The following PPP4R4 variants were observed in gnomAD, a reference collection of about 807,000 sequenced individuals.
PPP4R4 encodes serine/threonine-protein phosphatase 4 regulatory subunit 4.
Under a neutral mutation model 121.8 loss-of-function variants are expected in PPP4R4, and 70 were observed. That is an observed-to-expected ratio of 0.57 (90% CI 0.47 to 0.70). PPP4R4 has a LOEUF of 0.70. PPP4R4 is among the 30% of genes least tolerant of loss of function. The pLI, the probability that PPP4R4 is intolerant of heterozygous loss-of-function variation, is 0.00. For synonymous variants in PPP4R4, 348 were observed against 355.7 expected, an observed-to-expected ratio of 0.98 and a Z score of 0.24; for missense variants, 875 against 1,033.6, an observed-to-expected ratio of 0.85 and a Z score of 2.10.
intron 18 of PPP4R4, among the ~76,000 whole-genome samples, chr14:94,259,067 G>A (rs1178640043): frequency 1.3e-5 from 2 of 152,062 alleles, no homozygotes; most frequent in Non-Finnish European, 2.9e-5. Context: ...ATCAGATCTC[G>A]AGAGACTCAT....
intron 3 of PPP4R4, among the ~76,000 whole-genome samples, chr14:94,227,069 C>T (rs901384431): frequency 2.6e-5 from 4 of 152,100 alleles, no homozygotes; most frequent in Non-Finnish European, 5.9e-5. Context: ...AACTAAAGAG[C>T]GAATTTAAAC....
rs944057894 is a variant in PPP4R4, at chr14:94,259,422, GT to G, written c.2127+60del. The G allele has an allele frequency of 5.6e-5, 80 of 1,437,034 alleles. 1 individual carries two copies. The Middle Eastern group carries it at 1.1e-3, about 20-fold the overall frequency. The allele number at this position is 1,437,034 out of a possible 1,614,324, so 89.0% of individuals were successfully genotyped here. A position where few individuals can be genotyped will look rare whatever the true frequency, so the allele number is the denominator to read the frequency against. On this transcript the variant is annotated intron_variant, in intron 19 of 24. Transcript: ENST00000304338. ...ATACTCTTTTCTGATTAATAACTGTGTTTTTTTATTAAACTTAATCATTTCT... is the reference window on the plus strand; with the variant it reads ...ATACTCTTTTCTGATTAATAACTGTGTTTTTTATTAAACTTAATCATTTCT...
chr14:94,213,053 G>A (rs1300965762), intron 3 of PPP4R4, among the ~76,000 whole-genome samples: 1 of 152,154 alleles, frequency 6.6e-6, no homozygotes, highest in East Asian at 1.9e-4. Flanking sequence ...GTCAGGCACT[G>A]TATTCTGTCA....
chr14:94,219,033 C>G (rs1891233559), intron 3 of PPP4R4, among the ~76,000 whole-genome samples: 2 of 150,888 alleles, frequency 1.3e-5, no homozygotes, highest in African/African-American at 4.9e-5. Context: ...CAAATCTATA[C>G]CACAAGAAAT....
At chr14:94,265,561 C>T in intron 21 of PPP4R4, 88 bp downstream of exon 21, 5 of 1,153,742 alleles carry the variant, frequency 4.3e-6, no homozygotes, top group South Asian at 1.3e-5. Context: ...AGATGAGATA[C>T]AGTAGGATAA....
At chr14:94,237,470 T>C in intron 7 of PPP4R4, 95 bp from the exon 8 acceptor site, 1 of 1,191,274 alleles carries the variant, frequency 8.4e-7, no homozygotes, top group Non-Finnish European at 1.2e-6. Context: ...ATTTTTCATA[T>C]TTTCTGCAGC....
At chr14:94,176,018 T>G (rs1358685586) in intron 1 of PPP4R4, 36 bp from the exon 2 acceptor site, 3 of 1,540,586 alleles carry the variant, frequency 1.9e-6, no homozygotes, top group African/African-American at 1.4e-5. Context: ...TGAACCAATA[T>G]TTGTGGTGCA....
chr14:94,214,666 T>C (rs963059608), intron 3 of PPP4R4, among the ~76,000 whole-genome samples: 1 of 152,194 alleles, frequency 6.6e-6, no homozygotes, highest in Non-Finnish European at 1.5e-5. Context: ...ACTTTATAAA[T>C]ACATTTGTAA....
intron 11 of PPP4R4, 65 bp downstream of exon 11, chr14:94,242,473 T>G: frequency 6.8e-7 from 1 of 1,474,476 alleles, no homozygotes; most frequent in Non-Finnish European, 9.4e-7. Flanking sequence ...TACTAGATGA[T>G]TTTGTGCTTA....
chr14:94,215,129 T>C (rs1890953505), intron 3 of PPP4R4, among the ~76,000 whole-genome samples: 1 of 152,194 alleles, frequency 6.6e-6, no homozygotes, highest in Non-Finnish European at 1.5e-5. Context: ...TGGAACACTG[T>C]AGGCCAGGCA....
Position 94,241,957 on chromosome 14 carries a change from G to A in PPP4R4, c.1146G>A (p.Pro382=), listed in dbSNP as rs777342667. Residue 382 remains proline, a splice_region_variant and synonymous_variant, in exon 10 of 25, where the codon CCG becomes CCA. Transcript: ENST00000304338. ...GGAAGAACTGTGCTTATAACTTTCC[G>A]GTAATAAATATGTATTTATATTTAC... is the stretch of plus-strand genomic sequence containing the variant. ...SVRKNCAYNF[P]AMIVFVDPKN... The A allele has an allele frequency of 2.5e-6, 4 of 1,578,522 alleles. No homozygotes were observed. The highest frequency in any genetic ancestry group is 1.4e-5 in the African/African-American group (1 of 73,078).
chr14:94,258,752 T>G lies in PPP4R4; in HGVS notation c.2011-31T>G, dbSNP rs762482100. ...TGATTGGTTGTTTTAATTTAATTAC[T>G]TTAGAATAATTTTAAAAACTTTCCT... On this transcript the variant is annotated intron_variant, in intron 17 of 24. Transcript: ENST00000304338. 16 of 1,465,648 alleles carry G rather than the reference T, an allele frequency of 1.1e-5. No homozygotes were observed. The South Asian group carries it at 1.9e-4, about 17-fold the overall frequency. 90.8% of individuals were successfully genotyped at this position (1,465,648 alleles called of 1,614,324 possible).
intron 23 of PPP4R4, among the ~76,000 whole-genome samples, chr14:94,271,420 TCATGGTAATA>T (rs921120856): frequency 7.2e-5 from 11 of 152,154 alleles, no homozygotes; most frequent in Non-Finnish European, 5.9e-5. Flanking sequence ...AATCACATGA[TCATGGTAATA>T]CATGAAGAAA....
intron 7 of PPP4R4, among the ~76,000 whole-genome samples, chr14:94,236,474 C>T (rs1892360107): frequency 6.6e-6 from 1 of 152,066 alleles, no homozygotes; most frequent in African/African-American, 2.4e-5. Context: ...CCTGTATTTG[C>T]TGAATGTTTG....
At chr14:94,228,078 TA>T (rs1216855672) in intron 3 of PPP4R4, among the ~76,000 whole-genome samples, 1 of 152,152 alleles carries the variant, frequency 6.6e-6, no homozygotes, top group Non-Finnish European at 1.5e-5. Flanking sequence ...AAAAAACATG[TA>T]AAATAATGTT....
chr14:94,228,596 T>C (rs1466914692), intron 3 of PPP4R4, among the ~76,000 whole-genome samples: 1 of 152,210 alleles, frequency 6.6e-6, no homozygotes, highest in African/African-American at 2.4e-5. Context: ...TTGCCTTCTA[T>C]CTAATTCTGC....
chr14:94,219,032 A>C (rs1891233396), intron 3 of PPP4R4, among the ~76,000 whole-genome samples: 1 of 151,296 alleles, frequency 6.6e-6, no homozygotes, highest in African/African-American at 2.4e-5. Flanking sequence ...TCAAATCTAT[A>C]CCACAAGAAA....
intron 2 of PPP4R4, among the ~76,000 whole-genome samples, chr14:94,202,132 G>A (rs1171159916): frequency 6.6e-6 from 1 of 152,118 alleles, no homozygotes; most frequent in Non-Finnish European, 1.5e-5. Flanking sequence ...GAATGATACA[G>A]TGGACTTTGG....
At chr14:94,241,161 G>A (rs983573992) in intron 9 of PPP4R4, among the ~76,000 whole-genome samples, 4 of 152,038 alleles carry the variant, frequency 2.6e-5, no homozygotes, top group Non-Finnish European at 5.9e-5. Flanking sequence ...TATCATTAGA[G>A]AAGTTCAGCT....
Sources: gnomAD v4.1 joint callset for allele counts (sites outside exome capture counted in the v4.1 genomes callset) on GRCh38, gnomAD v4.1.1 for gene constraint, MANE v1.5 for transcripts, NCBI Gene and HGNC (gene_info 2026-07-23, HGNC 2026-07-21) for gene names.